Variants in SATL1 observed in about 807,000 individuals in gnomAD.
SATL1 encodes spermidine/spermine N1-acetyl transferase like 1.
SATL1 carries 47 observed loss-of-function variants against 51.8 expected under a neutral mutation model. The observed-to-expected ratio is 0.91, with a 90% CI of 0.72 to 1.16. SATL1 has a LOEUF of 1.16. Ranked by LOEUF, SATL1 falls within the 50% of genes most tolerant of loss-of-function variation. The probability of loss-of-function intolerance (pLI) is 0.00; values close to 1 mark genes in which losing one functional copy is unlikely to be tolerated. For missense variants in SATL1, 520 were observed against 526.4 expected, an observed-to-expected ratio of 0.99 and a Z score of 0.12; for synonymous variants, 176 against 182.4, an observed-to-expected ratio of 0.97 and a Z score of 0.28.
intron 2 of SATL1, among the ~76,000 whole-genome samples, chrX:85,151,070 T>C (rs1407110419): frequency 9.1e-6 from 1 of 109,377 alleles, no homozygotes; most frequent in Non-Finnish European, 1.9e-5. Context: ...GAAAACCCCA[T>C]TGTCTCAGCC....
At position 85,107,683 on chromosome X, in the gene SATL1, G is replaced by A; in HGVS notation, c.1286C>T (p.Pro429Leu). 8.3e-7 allele frequency: 1 copy of A among 1,211,192 alleles called. No homozygotes were observed. The highest frequency in any genetic ancestry group is 1.7e-5 in the African/African-American group (1 of 57,569). The change falls in exon 3 of 8, where the codon CCA (proline) becomes CTA (leucine). Residue 429 changes from proline to leucine, a missense_variant. Coordinates refer to ENST00000644105, the MANE Select transcript of SATL1 (RefSeq NM_001367857.2). ...CCACATGCCTGGTGGACTCTTGTTT[G>A]GTTGCCTCGGGACTGGTTGGCTCAG... ...TGLSQPVPRQ[P>L]NKSPPGMWQR...
At chrX:85,121,350 TA>T (rs961031672) in intron 2 of SATL1, among the ~76,000 whole-genome samples, 2 of 105,401 alleles carry the variant, frequency 1.9e-5, no homozygotes, top group Admixed American at 1.1e-4. Context: ...ATATACTATA[TA>T]AAAATATATG....
chrX:85,132,218 C>T (rs1226100374), intron 2 of SATL1, among the ~76,000 whole-genome samples: 1 of 111,862 alleles, frequency 8.9e-6, no homozygotes, highest in East Asian at 2.8e-4. Context: ...TGGGGAAGTT[C>T]TCCTGGATAA....
intron 2 of SATL1, among the ~76,000 whole-genome samples, chrX:85,109,869 G>C (rs1171177372): frequency 9.0e-6 from 1 of 110,814 alleles, no homozygotes; most frequent in East Asian, 2.8e-4. Flanking sequence ...AATTAGCTGG[G>C]CATGGTGGTG....
chrX:85,156,703 A>AT (rs1926594783), intron 2 of SATL1, among the ~76,000 whole-genome samples: 1 of 105,667 alleles, frequency 9.5e-6, no homozygotes, highest in African/African-American at 3.5e-5. Context: ...TAAAACACAT[A>AT]CCTAAGGCAG....
chrX:85,171,409 C>T (rs1042207732), intron 2 of SATL1, among the ~76,000 whole-genome samples: 4 of 111,516 alleles, frequency 3.6e-5, no homozygotes, highest in African/African-American at 9.7e-5. Context: ...TATTGAAGTA[C>T]GGTTAATGAA....
chrX:85,211,908 A>T (rs754932061), intron 2 of SATL1: 1 of 111,768 alleles, frequency 8.9e-6, no homozygotes, highest in Non-Finnish European at 1.9e-5. Context: ...ATATTTAAAG[A>T]TTAGAATGTA....
intron 7 of SATL1, 74 bp from the exon 8 acceptor site, chrX:85,092,635 A>G: frequency 1.0e-6 from 1 of 960,276 alleles, no homozygotes; most frequent in Non-Finnish European, 1.4e-6. Context: ...TATTTTATTG[A>G]AGGTCTACTC....
chrX:85,218,485 C>A (rs1265980310), intron 2 of SATL1, among the ~76,000 whole-genome samples: 1 of 111,332 alleles, frequency 9.0e-6, no homozygotes, highest in African/African-American at 3.3e-5. Flanking sequence ...TAAGTTTTAG[C>A]ATGAACCTCT....
At chrX:85,238,833 A>G (rs67462127) in intron 1 of SATL1, among the ~76,000 whole-genome samples, 14,281 of 110,766 alleles carry the variant, frequency 0.13, 709 homozygotes, top group South Asian at 0.18. Flanking sequence ...GTATCCCACA[A>G]ATATATACAT....
At chrX:85,093,108 G>T (rs1924578759) in intron 7 of SATL1, 77 bp downstream of exon 7, 6 of 970,104 alleles carry the variant, frequency 6.2e-6, no homozygotes, top group Non-Finnish European at 8.5e-6. Flanking sequence ...TGAGATTAAT[G>T]ATTTAATTTA....
Position 85,107,377 on chromosome X carries a change from A to C in SATL1, c.1592T>G (p.Ile531Arg). 8.2e-7 allele frequency: 1 copy of C among 1,212,203 alleles called. No homozygotes were observed. Among genetic ancestry groups the C allele is most frequent in the Non-Finnish European group, 1.1e-6 (1 of 895,603 alleles). ...MRQTSMDYFQ[I>R]RHAEAGDCPE... ...GCAGTCTCCAGCCTCTGCATGTCTT[A>C]TTTGAAAGTAATCCATGCTTGTTTG... is the stretch of plus-strand genomic sequence containing the variant. Residue 531 changes from isoleucine to arginine, a missense_variant, in exon 3 of 8, where the codon ATA becomes AGA. This residue lies in a region of SATL1 where 488 missense variants were observed against 474.3 expected (regional missense o/e 1.03). Transcript: ENST00000644105.
chrX:85,172,308 T>A (rs1462283700), intron 2 of SATL1, among the ~76,000 whole-genome samples: 2 of 111,596 alleles, frequency 1.8e-5, no homozygotes, highest in African/African-American at 3.2e-5. Flanking sequence ...ATCTACTACA[T>A]GTTAGACACT....
intron 3 of SATL1, among the ~76,000 whole-genome samples, chrX:85,106,419 A>G (rs184722031): frequency 2.7e-5 from 3 of 112,297 alleles, no homozygotes; most frequent in African/African-American, 9.7e-5. Flanking sequence ...CACTCTCCAA[A>G]GGGAACACAA....
intron 3 of SATL1, among the ~76,000 whole-genome samples, chrX:85,106,557 A>G (rs911315517): frequency 8.9e-5 from 10 of 112,121 alleles, no homozygotes; most frequent in African/African-American, 3.2e-4. Context: ...TATTTACTCC[A>G]TAAAGAACAT....
intron 2 of SATL1, among the ~76,000 whole-genome samples, chrX:85,135,926 G>T (rs1244931642): frequency 9.1e-6 from 1 of 110,087 alleles, no homozygotes; most frequent in Non-Finnish European, 1.9e-5. Context: ...AAACCGGTTA[G>T]GAGTTGTTGT....
At chrX:85,225,797 C>T (rs907917827) in intron 1 of SATL1, among the ~76,000 whole-genome samples, 2 of 111,542 alleles carry the variant, frequency 1.8e-5, no homozygotes. Context: ...TGGCATTCAA[C>T]CCTATGATAC....
At chrX:85,141,393 A>G (rs1926105440) in intron 2 of SATL1, among the ~76,000 whole-genome samples, 2 of 111,938 alleles carry the variant, frequency 1.8e-5, no homozygotes, top group Admixed American at 1.9e-4. Context: ...CTTAGAAAGG[A>G]TATAGATGAA....
chrX:85,188,684 A>G (rs764306841), intron 2 of SATL1, among the ~76,000 whole-genome samples: 3 of 111,823 alleles, frequency 2.7e-5, no homozygotes, highest in Non-Finnish European at 5.6e-5. Flanking sequence ...TATACTTTTG[A>G]AAAAAGAGAT....
Sources: gnomAD v4.1 joint callset for allele counts (sites outside exome capture counted in the v4.1 genomes callset) on GRCh38, gnomAD v4.1.1 for gene constraint, gnomAD v4.1.1 regional missense constraint, MANE v1.5 for transcripts, NCBI Gene and HGNC (gene_info 2026-07-23, HGNC 2026-07-21) for gene names.